Variants in POLQ observed in about 807,000 individuals in gnomAD.
POLQ encodes epididymis secretory sperm binding protein.
A neutral mutation model predicts 259.2 loss-of-function variants in POLQ; 233 were observed. That is an observed-to-expected ratio of 0.90 (90% CI 0.81 to 1.00). The LOEUF is 1.00. Ranked by LOEUF, POLQ falls within the 50% of genes least tolerant of loss-of-function variation. The pLI is 0.00. For synonymous variants in POLQ, 1,025 were observed against 1,048.8 expected (o/e 0.98, Z 0.44); for missense variants, 2,871 against 3,051.6 (o/e 0.94, Z 1.39).
chr3:121,535,673 G>A (rs138399197), intron 5 of POLQ, among the ~76,000 whole-genome samples: 2,077 of 135,150 alleles, frequency 0.015, 54 homozygotes, highest in African/African-American at 0.053. Flanking sequence ...CCGAGATCAC[G>A]CCACTTCACT....
At position 121,432,220 on chromosome 3, in the gene POLQ, AGGTAGGTGAAAG is replaced by A; in HGVS notation, c.*72_*83del. 1 of 1,258,366 alleles carries A rather than the reference AGGTAGGTGAAAG, an allele frequency of 7.9e-7. No individual in the cohort carries two copies. Among genetic ancestry groups the A allele is most frequent in the Middle Eastern group, 1.9e-4 (1 of 5,140 alleles). The allele number at this position is 1,258,366 out of a possible 1,614,324, so 78.0% of individuals were successfully genotyped here. ...CAAGACTTGAAAGTTTGTTTTGCTGAGGTAGGTGAAAGGGTAATCTCTGTTCTTTCCAGGTGA... is the reference window on the plus strand; with the variant it reads ...CAAGACTTGAAAGTTTGTTTTGCTGAGGTAATCTCTGTTCTTTCCAGGTGA... On this transcript the variant is annotated 3_prime_UTR_variant, in exon 30 of 30. Transcript: ENST00000264233.
Position 121,490,322 on chromosome 3 carries a change from A to G in POLQ, c.2609T>C (p.Leu870Ser). 1 of 1,614,214 alleles carries G rather than the reference A, an allele frequency of 6.2e-7. No homozygotes were observed. Among genetic ancestry groups the G allele is most frequent in the Non-Finnish European group, 8.5e-7 (1 of 1,180,030 alleles). ...RTIWVTGRKG[L>S]TEREAAALIV... is the part of the protein sequence containing the mutation. Reference sequence around the variant, plus strand: ...AAGGGCTGCTGCTTCCCTTTCAGTTAAACCTTTTCTGCCAGTCACCCAGAT... The same window carrying G: ...AAGGGCTGCTGCTTCCCTTTCAGTTGAACCTTTTCTGCCAGTCACCCAGAT... Residue 870 changes from leucine to serine, a missense_variant, in exon 16 of 30, where the codon TTA becomes TCA. Physicochemically the swap from Leu to Ser is moderately radical, Grantham distance 145. This residue lies in a region of POLQ where 2,080 missense variants were observed against 2,126.0 expected (regional missense o/e 0.98). Coordinates refer to ENST00000264233, the MANE Select transcript of POLQ (RefSeq NM_199420.4).
Position 121,539,511 on chromosome 3 carries a change from C to T in POLQ, c.553G>A (p.Asp185Asn). The T allele has an allele frequency of 6.2e-7, 1 of 1,612,822 alleles. No individual in the cohort carries two copies. The highest frequency in any genetic ancestry group is 8.5e-7 in the Non-Finnish European group (1 of 1,178,850). The change falls in exon 4 of 30, where the codon GAT (aspartate) becomes AAT (asparagine). Residue 185 changes from aspartate (D) to asparagine (N), a missense_variant. Physicochemically the swap from Asp to Asn is conservative, Grantham distance 23 (BLOSUM62 1). Around this residue, in one of 3 missense-constraint regions of POLQ, gnomAD observed 783 missense variants for 906.2 expected, o/e 0.86. Coordinates refer to ENST00000264233, the MANE Select transcript of POLQ (RefSeq NM_199420.4). ...TSPSRHFSSLDIAVCTIERAN... is the reference protein window; with the variant it reads ...TSPSRHFSSLNIAVCTIERAN... The stretch of plus-strand genomic sequence containing the variant: ...CTCTCAATTGTGCAGACTGCAATAT[C>T]CAATGAAGAGAAATGCCTTGATGGA...
intron 13 of POLQ, 114 bp from the exon 14 acceptor site, chr3:121,497,046 T>C (rs1178205603): frequency 1.1e-5 from 11 of 1,025,870 alleles, no homozygotes; most frequent in Non-Finnish European, 1.6e-5. Flanking sequence ...ATATAATACA[T>C]TGTGGTGAGA....
At chr3:121,543,687 T>C (rs1422694635) in intron 2 of POLQ, among the ~76,000 whole-genome samples, 1 of 152,124 alleles carries the variant, frequency 6.6e-6, no homozygotes, top group African/African-American at 2.4e-5. Flanking sequence ...TAGTTGCCCA[T>C]GAAAACCCAT....
chr3:121,516,430 T>C (rs987756484), intron 9 of POLQ, among the ~76,000 whole-genome samples: 2 of 152,188 alleles, frequency 1.3e-5, no homozygotes, highest in Admixed American at 1.3e-4. Flanking sequence ...TAAAGGTCTT[T>C]CGGGGCTTTG....
chr3:121,493,565 G>T lies in POLQ; in HGVS notation c.2435C>A (p.Ala812Asp). 6.2e-7 allele frequency: 1 copy of T among 1,613,806 alleles called. No homozygotes were observed. The change falls in exon 15 of 30, where the codon GCT becomes GAT. Residue 812 changes from alanine (A) to aspartate (D), a missense_variant. By Grantham distance (126) the Ala-to-Asp change is moderately radical. Transcript: ENST00000264233. Reference sequence around the variant, plus strand: ...GTCTGCCACAGTATGAAAGCCAGAAGCATAGAGAACCCTGGCTCTCTGAGC... The same window carrying T: ...GTCTGCCACAGTATGAAAGCCAGAATCATAGAGAACCCTGGCTCTCTGAGC... ...LNAQRARVLY[A>D]SGFHTVADLA... is the part of the protein sequence containing the mutation.
rs201481708 is a variant in POLQ at position 121,485,074 on chromosome 3, A to G, written c.5740T>C (p.Tyr1914His). ...AVCWGGRDAYYFSLQKEQKHS... is the reference protein window; with the variant it reads ...AVCWGGRDAYHFSLQKEQKHS... ...TTTTGTTCCTTCTGCAGTGAAAAAT[A>G]ATAGGCATCCCTTCCACCCCAGCAT... The change falls in exon 17 of 30, where the codon TAT becomes CAT. Residue 1914 changes from tyrosine to histidine, a missense_variant. Around this residue, in one of 3 missense-constraint regions of POLQ, gnomAD observed 2,080 missense variants for 2,126.0 expected, o/e 0.98. Transcript: ENST00000264233. The G allele has an allele frequency of 1.5e-5, 24 of 1,612,894 alleles. No homozygotes were observed. The highest frequency in any genetic ancestry group is 1.9e-5 in the Non-Finnish European group (22 of 1,179,614).
At position 121,511,918 on chromosome 3, in the gene POLQ, ACTT is replaced by A. The variant is rs756820326; in HGVS notation, c.1577_1579del (p.Glu526del). 2.9e-5 allele frequency: 46 copies of A among 1,613,938 alleles called. No homozygotes were observed. Among genetic ancestry groups the A allele is most frequent in the South Asian group, 2.5e-4 (23 of 91,024 alleles). Reference sequence around the variant, plus strand: ...AATAGCTCGTATCATGCTGCCAGTTACTTCTTCTCCTTCTCGTCTTTGCAGACA... The same window carrying A: ...AATAGCTCGTATCATGCTGCCAGTTACTTCTCCTTCTCGTCTTTGCAGACA... On this transcript the variant is annotated inframe_deletion, in exon 10 of 30. Transcript: ENST00000264233.
At chr3:121,545,077 T>C (rs924414316) in intron 1 of POLQ, among the ~76,000 whole-genome samples, 171 bp from the exon 2 acceptor site, 4 of 152,178 alleles carry the variant, frequency 2.6e-5, no homozygotes, top group Middle Eastern at 3.2e-3. Flanking sequence ...AAGTAATAAA[T>C]TGTTATTTAC....
intron 5 of POLQ, among the ~76,000 whole-genome samples, chr3:121,535,648 G>A (rs1024246548): frequency 6.6e-6 from 1 of 150,956 alleles, no homozygotes; most frequent in Non-Finnish European, 1.5e-5. Flanking sequence ...CCTGGGAGAT[G>A]GAGGTTGCAG....
At chr3:121,453,615 C>T (rs1400346411) in intron 25 of POLQ, among the ~76,000 whole-genome samples, 1 of 152,032 alleles carries the variant, frequency 6.6e-6, no homozygotes, top group African/African-American at 2.4e-5. Flanking sequence ...GGAGCCGATG[C>T]GATCAACTGG....
intron 27 of POLQ, among the ~76,000 whole-genome samples, chr3:121,438,517 T>C (rs933537456): frequency 2.0e-5 from 3 of 152,172 alleles, no homozygotes; most frequent in African/African-American, 7.2e-5. Context: ...GCTCCATCTA[T>C]CCAGGAGAAA....
intron 15 of POLQ, among the ~76,000 whole-genome samples, chr3:121,491,490 C>G (rs2048068696): frequency 6.6e-6 from 1 of 151,612 alleles, no homozygotes. Flanking sequence ...GGGGTTGAGA[C>G]TTGGAAGAAA....
Position 121,436,423 on chromosome 3 carries a change from A to G in POLQ, c.7390-148T>C, listed in dbSNP as rs1273507035. The G allele has an allele frequency of 4.4e-6, 3 of 675,120 alleles. No individual in the cohort carries two copies. In the African/African-American group the frequency reaches 5.4e-5, roughly 12 times the overall value. The allele number at this position is 675,120 out of a possible 1,614,324, so 41.8% of individuals were successfully genotyped here. A position where few individuals can be genotyped will look rare whatever the true frequency, so the allele number is the denominator to read the frequency against. On this transcript the variant is annotated intron_variant, in intron 27 of 29. Transcript: ENST00000264233. Reference sequence around the variant, plus strand: ...CCCAGAACACCAACTATTAGGCTGCATCCTAAGAATAACACCTATCATGAT... The same window carrying G: ...CCCAGAACACCAACTATTAGGCTGCGTCCTAAGAATAACACCTATCATGAT...
intron 14 of POLQ, among the ~76,000 whole-genome samples, chr3:121,496,269 C>T (rs952645229): frequency 1.3e-4 from 19 of 151,732 alleles, no homozygotes; most frequent in Admixed American, 3.3e-4. Flanking sequence ...CTCTGCCTCC[C>T]GGGTTCAAGC....
chr3:121,467,426 T>C (rs1576407361), intron 24 of POLQ, 93 bp downstream of exon 24: 1 of 1,228,840 alleles, frequency 8.1e-7, no homozygotes, highest in Admixed American at 2.0e-5. Context: ...GACCAATGCA[T>C]GCTCTAAGTC....
intron 6 of POLQ, among the ~76,000 whole-genome samples, chr3:121,531,965 G>A (rs937108271): frequency 3.3e-5 from 5 of 152,106 alleles, no homozygotes; most frequent in African/African-American, 1.2e-4. Flanking sequence ...AGCTGTTTTA[G>A]TACTCAGAGG....
chr3:121,508,025 T>TTC, intron 12 of POLQ, among the ~76,000 whole-genome samples: 1 of 150,696 alleles, frequency 6.6e-6, no homozygotes, highest in East Asian at 1.9e-4. Flanking sequence ...AATTTTTTTT[T>TTC]TTTTTTTTTT....
Sources: allele counts gnomAD v4.1 joint callset (sites outside exome capture counted in the v4.1 genomes callset), GRCh38; gene constraint gnomAD v4.1.1; regional missense constraint gnomAD v4.1.1; transcripts MANE v1.5; gene names NCBI Gene and HGNC (gene_info 2026-07-23, HGNC 2026-07-21).